Variants in MAP7 observed in about 807,000 individuals in gnomAD.
MAP7 encodes the protein ensconsin.
Under a neutral mutation model 94.8 loss-of-function variants are expected in MAP7, and 52 were observed. The ratio of observed to expected loss-of-function variants is 0.55; its 90% CI spans 0.44 to 0.69. The LOEUF (loss-of-function observed/expected upper bound fraction) is 0.69. Ranked by LOEUF, MAP7 falls within the 30% of genes least tolerant of loss-of-function variation. The probability of loss-of-function intolerance (pLI) is 0.00; values close to 1 mark genes in which losing one functional copy is unlikely to be tolerated. For missense variants in MAP7, 940 were observed against 964.6 expected (o/e 0.97, Z 0.34); for synonymous variants, 350 against 357.0 (o/e 0.98, Z 0.22).
rs139137339 is a variant in MAP7 at position 136,377,801 on chromosome 6, C to T, written c.705G>A (p.Ser235=). The change falls in exon 7 of 18, where the codon TCG becomes TCA. Residue 235 remains serine, a synonymous_variant. Coordinates refer to ENST00000354570, the MANE Select transcript of MAP7 (RefSeq NM_003980.6). The part of the protein sequence containing the change: ...VVNRLLTPTH[S]FLARSKSTAA... ...CTGTGCTTTTACTTCTGGCCAGGAA[C>T]GAATGTGTGGGCGTCAGGAGTCTGT... 6.2e-5 allele frequency: 100 copies of T among 1,614,116 alleles called. No individual in the cohort carries two copies. The highest frequency in any genetic ancestry group is 2.7e-4 in the African/African-American group (20 of 75,048).
At chr6:136,464,308 A>G (rs1806223092) in intron 1 of MAP7, among the ~76,000 whole-genome samples, 1 of 152,192 alleles carries the variant, frequency 6.6e-6, no homozygotes, top group East Asian at 1.9e-4. Context: ...ATAATTATCC[A>G]TGGTTTCACT....
intron 1 of MAP7, among the ~76,000 whole-genome samples, chr6:136,507,809 G>A (rs1054640926): frequency 1.1e-4 from 16 of 152,210 alleles, no homozygotes; most frequent in Admixed American, 3.3e-4. Flanking sequence ...CACAGAAATT[G>A]TAAGTACTTT....
intron 7 of MAP7, among the ~76,000 whole-genome samples, chr6:136,376,038 A>C (rs921257309): frequency 6.6e-6 from 1 of 152,204 alleles, no homozygotes; most frequent in African/African-American, 2.4e-5. Flanking sequence ...CACAGCATAC[A>C]AGGGGAGATT....
chr6:136,395,915 G>A (rs1231997824), intron 3 of MAP7, among the ~76,000 whole-genome samples: 1 of 152,094 alleles, frequency 6.6e-6, no homozygotes, highest in Non-Finnish European at 1.5e-5. Context: ...ATTGGTCTAT[G>A]TGTCTGTTTT....
chr6:136,526,596 C>A (rs1322928084), intron 1 of MAP7: 25 of 985,362 alleles, frequency 2.5e-5, no homozygotes, highest in African/African-American at 3.5e-5. Context: ...AACTCACCAG[C>A]AGAGGGTTAC....
intron 1 of MAP7, among the ~76,000 whole-genome samples, chr6:136,528,411 A>G (rs527963680): frequency 6.6e-6 from 1 of 152,376 alleles, no homozygotes; most frequent in East Asian, 1.9e-4. Flanking sequence ...ATCAATAAAC[A>G]CAGGTGTAAT....
chr6:136,522,926 T>C (rs1003110897), intron 1 of MAP7, among the ~76,000 whole-genome samples: 1 of 152,042 alleles, frequency 6.6e-6, no homozygotes, highest in East Asian at 1.9e-4. Flanking sequence ...TTCCAGCTAT[T>C]AAGGAGGTTG....
intron 16 of MAP7, among the ~76,000 whole-genome samples, chr6:136,353,964 T>G (rs917797548): frequency 2.6e-5 from 4 of 152,096 alleles, no homozygotes; most frequent in African/African-American, 7.2e-5. Context: ...AGGGTAACAC[T>G]GTGGGGGAAG....
chr6:136,406,298 C>CAACATAGCACCTATGCATCTTATGCATGG (rs1785579351), intron 3 of MAP7, among the ~76,000 whole-genome samples: 1 of 152,102 alleles, frequency 6.6e-6, no homozygotes, highest in African/African-American at 2.4e-5. Context: ...TAACCACTGT[C>CAACATAGCACCTATGCATCTTATGCATGG]GAATGGGAGT....
At chr6:136,383,152 G>A (rs1326479944) in intron 6 of MAP7, among the ~76,000 whole-genome samples, 1 of 152,156 alleles carries the variant, frequency 6.6e-6, no homozygotes, top group Non-Finnish European at 1.5e-5. Context: ...AAGAGTTAAT[G>A]AATGGACACC....
intron 1 of MAP7, chr6:136,526,285 A>G (rs1275487291): frequency 1.7e-5 from 18 of 1,039,848 alleles, no homozygotes; most frequent in Non-Finnish European, 2.1e-5. Context: ...GCGCACACAC[A>G]CACACACACA....
intron 1 of MAP7, among the ~76,000 whole-genome samples, chr6:136,470,696 C>T (rs1419366367): frequency 6.6e-6 from 1 of 151,828 alleles, no homozygotes; most frequent in Non-Finnish European, 1.5e-5. Context: ...CTTTTGTATT[C>T]CTTAGAACAC....
chr6:136,439,506 T>A (rs1797261592), intron 1 of MAP7, among the ~76,000 whole-genome samples: 1 of 152,156 alleles, frequency 6.6e-6, no homozygotes, highest in East Asian at 1.9e-4. Flanking sequence ...AGACAATACC[T>A]AAAAATGTGT....
At chr6:136,352,337 G>A (rs902979281) in intron 16 of MAP7, among the ~76,000 whole-genome samples, 5 of 151,924 alleles carry the variant, frequency 3.3e-5, no homozygotes, top group South Asian at 4.2e-4. Flanking sequence ...ATAGGTGTAC[G>A]CCACTGGGCC....
intron 1 of MAP7, among the ~76,000 whole-genome samples, chr6:136,541,020 G>T (rs1232692394): frequency 2.6e-5 from 4 of 152,172 alleles, no homozygotes; most frequent in Non-Finnish European, 5.9e-5. Context: ...CGCCTGTGGT[G>T]AAGTTGTCAC....
intron 8 of MAP7, among the ~76,000 whole-genome samples, chr6:136,370,841 A>G (rs762463364): frequency 5.3e-5 from 8 of 152,132 alleles, no homozygotes; most frequent in Non-Finnish European, 1.0e-4. Context: ...TTGCACTTCA[A>G]TATGAATATA....
At chr6:136,500,177 G>A (rs1819448947) in intron 1 of MAP7, among the ~76,000 whole-genome samples, 1 of 152,130 alleles carries the variant, frequency 6.6e-6, no homozygotes, top group African/African-American at 2.4e-5. Flanking sequence ...TCTGATTATT[G>A]TGAGGATTAA....
intron 9 of MAP7, 49 bp from the exon 10 acceptor site, chr6:136,366,067 G>A (rs1414000646): frequency 1.3e-6 from 2 of 1,563,640 alleles, no homozygotes; most frequent in African/African-American, 2.7e-5. Context: ...ATGAGAACAG[G>A]CTTGCCAGAA....
In MAP7 at chr6:136,450,011, G is replaced by A. The variant is rs546433685; in HGVS notation, c.68-28212C>T. Among the ~76,000 whole-genome samples, 14 of 152,198 alleles carry A rather than the reference G, an allele frequency of 9.2e-5. No individual in the cohort carries two copies. In the East Asian group the frequency reaches 2.5e-3, roughly 27 times the overall value. Reference sequence around the variant, plus strand: ...TGAGACCAGCCTAGACCAACATGGCGAAACCTTGTCTCTACTAAAAATGCA... The same window carrying A: ...TGAGACCAGCCTAGACCAACATGGCAAAACCTTGTCTCTACTAAAAATGCA... On this transcript the variant is annotated intron_variant, in intron 1 of 17. Transcript: ENST00000354570.
Sources: gnomAD v4.1 joint callset for allele counts (sites outside exome capture counted in the v4.1 genomes callset) on GRCh38, gnomAD v4.1.1 for gene constraint, MANE v1.5 for transcripts, NCBI Gene and HGNC (gene_info 2026-07-23, HGNC 2026-07-21) for gene names.